Variants in DNAH11 observed in about 807,000 individuals in gnomAD.
DNAH11 encodes the protein dynein axonemal heavy chain 11.
DNAH11 carries 442 observed loss-of-function variants against 526.0 expected under a neutral mutation model. The observed-to-expected ratio is 0.84, with a 90% CI of 0.78 to 0.91. The LOEUF is 0.91. DNAH11 is among the 40% of genes least tolerant of loss of function. DNAH11 has a pLI of 0.00. For synonymous variants in DNAH11, 2,461 were observed against 1,935.9 expected (o/e 1.27, Z -7.12); for missense variants, 6,989 against 5,448.7 (o/e 1.28, Z -8.90).
chr7:21,780,777 C>T (rs1414243584), intron 57 of DNAH11, among the ~76,000 whole-genome samples: 1 of 152,092 alleles, frequency 6.6e-6, no homozygotes, highest in Non-Finnish European at 1.5e-5. Flanking sequence ...TCATTTTATC[C>T]ATGGAGCTGG....
Position 21,845,122 on chromosome 7 carries a change from A to C in DNAH11, c.10896+2374A>C, listed in dbSNP as rs1372732596. ...CAGGAGTTCTTGTATTCTGAATGTC[A>C]GACTCTTATTGGATATGTGACTTAT... On this transcript the variant is annotated intron_variant, in intron 66 of 81. Coordinates refer to ENST00000409508, the MANE Select transcript of DNAH11 (RefSeq NM_001277115.2). 3.3e-5 allele frequency among the ~76,000 whole-genome samples: 5 copies of C among 152,170 alleles called. No homozygotes were observed. The East Asian group carries it at 9.7e-4, about 29-fold the overall frequency.
intron 2 of DNAH11, among the ~76,000 whole-genome samples, chr7:21,554,125 TA>T (rs1169002950): frequency 1.3e-5 from 2 of 151,974 alleles, no homozygotes; most frequent in African/African-American, 4.8e-5. Context: ...TGATCCTTTT[TA>T]TTATTAGTTC....
chr7:21,721,684 C>G (rs1784879545), intron 44 of DNAH11, among the ~76,000 whole-genome samples: 1 of 152,176 alleles, frequency 6.6e-6, no homozygotes, highest in South Asian at 2.1e-4. Context: ...ATGACATCAT[C>G]TAAATCTAAT....
chr7:21,663,997 C>A (rs1041142026), intron 30 of DNAH11, among the ~76,000 whole-genome samples: 2 of 151,902 alleles, frequency 1.3e-5, no homozygotes, highest in Non-Finnish European at 2.9e-5. Flanking sequence ...TTTGAGGAAA[C>A]TTTATGCTAT....
rs551201352 is a variant in DNAH11 at position 21,808,140 on chromosome 7, C to A, written c.10332+91C>A. On this transcript the variant is annotated intron_variant, in intron 63 of 81. Coordinates refer to ENST00000409508, the MANE Select transcript of DNAH11 (RefSeq NM_001277115.2). Reference sequence around the variant, plus strand: ...CACATATATGCCAGGCGCTTTTGGACGTCTGTAATGAGAACTGACCAGAAA... The same window carrying A: ...CACATATATGCCAGGCGCTTTTGGAAGTCTGTAATGAGAACTGACCAGAAA... 3.7e-6 allele frequency: 4 copies of A among 1,084,508 alleles called. No homozygotes were observed. The African/African-American group carries it at 4.8e-5, about 13-fold the overall frequency. 67.2% of individuals were successfully genotyped at this position (1,084,508 alleles called of 1,614,324 possible).
intron 25 of DNAH11, among the ~76,000 whole-genome samples, chr7:21,626,512 A>G (rs1245861084): frequency 6.6e-6 from 1 of 152,078 alleles, no homozygotes; most frequent in East Asian, 1.9e-4. Flanking sequence ...TCGTTCTTTG[A>G]AAACTCTCCG....
intron 30 of DNAH11, among the ~76,000 whole-genome samples, chr7:21,674,497 G>A (rs545492014): frequency 3.3e-5 from 5 of 152,194 alleles, no homozygotes; most frequent in Non-Finnish European, 5.9e-5. Context: ...AGTAACTGGG[G>A]TTACAAGTGT....
At chr7:21,815,608 T>C (rs1789747650) in intron 63 of DNAH11, among the ~76,000 whole-genome samples, 1 of 152,136 alleles carries the variant, frequency 6.6e-6, no homozygotes, top group South Asian at 2.1e-4. Context: ...GGAGGCATGC[T>C]TCCATGTTAA....
intron 65 of DNAH11, among the ~76,000 whole-genome samples, chr7:21,825,765 C>G (rs573316849): frequency 3.3e-5 from 5 of 152,156 alleles, no homozygotes; most frequent in Admixed American, 1.3e-4. Flanking sequence ...CGAGACCAAC[C>G]TGGCGAACAC....
At chr7:21,598,535 G>A (rs570335042) in intron 14 of DNAH11, among the ~76,000 whole-genome samples, 1 of 152,060 alleles carries the variant, frequency 6.6e-6, no homozygotes, top group East Asian at 1.9e-4. Context: ...CTAGTCCAGT[G>A]TTTTCTAAAC....
In DNAH11 at chr7:21,570,271, A is replaced by G; in HGVS notation, c.1397A>G (p.Lys466Arg). Residue 466 changes from lysine (K) to arginine (R), a missense_variant, in exon 7 of 82, where the codon AAG becomes AGG. Transcript: ENST00000409508. ...CATCTGGTGTTTTGCAGATTTGACA[A>G]GTTTCTTGATCGTTTAATAAAAATA... is the stretch of plus-strand genomic sequence containing the variant. ...QSHLVFCRFD[K>R]FLDRLIKIED... The G allele has an allele frequency of 6.2e-7, 1 of 1,609,282 alleles. No individual in the cohort carries two copies. The highest frequency in any genetic ancestry group is 8.5e-7 in the Non-Finnish European group (1 of 1,178,642).
chr7:21,719,291 C>A (rs1260915086), intron 43 of DNAH11, among the ~76,000 whole-genome samples: 2 of 152,180 alleles, frequency 1.3e-5, no homozygotes, highest in African/African-American at 2.4e-5. Context: ...AAATGGCTAT[C>A]TTGAGAAATT....
chr7:21,710,003 G>A (rs1784402684), intron 40 of DNAH11, among the ~76,000 whole-genome samples: 3 of 152,124 alleles, frequency 2.0e-5, no homozygotes, highest in African/African-American at 7.2e-5. Flanking sequence ...ATGGCAAAAG[G>A]GACTGTAGAT....
chr7:21,619,814 A>T, intron 24 of DNAH11, 142 bp from the exon 25 acceptor site: 1 of 715,126 alleles, frequency 1.4e-6, no homozygotes, highest in Non-Finnish European at 2.3e-6. Flanking sequence ...AGCATGAATT[A>T]CTTGGAGGAA....
At chr7:21,617,030 G>A (rs760111660) in intron 22 of DNAH11, among the ~76,000 whole-genome samples, 14 of 152,078 alleles carry the variant, frequency 9.2e-5, no homozygotes, top group Non-Finnish European at 1.3e-4. Flanking sequence ...TCATTCTTTC[G>A]GATGTCATGG....
chr7:21,767,317 C>CT (rs1366542567), intron 55 of DNAH11, among the ~76,000 whole-genome samples: 1 of 152,148 alleles, frequency 6.6e-6, no homozygotes, highest in Non-Finnish European at 1.5e-5. Flanking sequence ...GAAATTAGAG[C>CT]TAGTAGCATG....
chr7:21,716,757 T>C (rs1230999832), intron 42 of DNAH11, among the ~76,000 whole-genome samples: 2 of 152,254 alleles, frequency 1.3e-5, no homozygotes, highest in East Asian at 1.9e-4. Flanking sequence ...CAGGCTACTC[T>C]TATGCAATTG....
chr7:21,740,132 C>T (rs1357805611), intron 48 of DNAH11, among the ~76,000 whole-genome samples: 1 of 152,180 alleles, frequency 6.6e-6, no homozygotes, highest in African/African-American at 2.4e-5. Context: ...CCCAAAATCT[C>T]TGTACTCTAC....
chr7:21,589,362 A>G lies in DNAH11; in HGVS notation c.2128A>G (p.Ser710Gly), dbSNP rs1411627465. Residue 710 changes from serine (S) to glycine (G), a missense_variant, in exon 12 of 82, where the codon AGT (serine) becomes GGT (glycine). Physicochemically the swap from Ser to Gly is moderately conservative, Grantham distance 56. Coordinates refer to ENST00000409508, the MANE Select transcript of DNAH11 (RefSeq NM_001277115.2). The stretch of plus-strand genomic sequence containing the variant: ...TTTGAATCAACCCTTGGTTAAATTC[A>G]GTGCCATAAATGGTCTTCTCTGTGT... ...FNLNQPLVKF[S>G]AINGLLCVNF... The G allele has an allele frequency of 6.2e-7, 1 of 1,609,306 alleles. No individual in the cohort carries two copies. Among genetic ancestry groups the G allele is most frequent in the Non-Finnish European group, 8.5e-7 (1 of 1,178,124 alleles).
Sources: allele counts gnomAD v4.1 joint callset (sites outside exome capture counted in the v4.1 genomes callset), GRCh38; gene constraint gnomAD v4.1.1; transcripts MANE v1.5; gene names NCBI Gene and HGNC (gene_info 2026-07-23, HGNC 2026-07-21).